The following ADGRV1 variants were observed in gnomAD, a reference collection of about 807,000 sequenced individuals.
ADGRV1 encodes the protein G-protein coupled receptor 98.
Under a neutral mutation model 596.2 loss-of-function variants are expected in ADGRV1, and 359 were observed. The observed-to-expected ratio is 0.60, with a 90% CI of 0.55 to 0.66. The LOEUF (loss-of-function observed/expected upper bound fraction) is 0.66, where lower values mean the gene tolerates loss of function less well. Ranked by LOEUF, ADGRV1 falls within the 30% of genes least tolerant of loss-of-function variation. The probability of loss-of-function intolerance (pLI) is 0.00; values close to 1 mark genes in which losing one functional copy is unlikely to be tolerated. For missense variants in ADGRV1, 7,274 were observed against 7,575.6 expected (o/e 0.96, Z 1.48); for synonymous variants, 2,681 against 2,679.2 (o/e 1.00, Z -0.02).
At chr5:90,639,553 T>C (rs1766707087) in intron 11 of ADGRV1, among the ~76,000 whole-genome samples, 1 of 152,204 alleles carries the variant, frequency 6.6e-6, no homozygotes, top group African/African-American at 2.4e-5. Context: ...GTAAAAATAG[T>C]ACATAGTAAA....
intron 38 of ADGRV1, among the ~76,000 whole-genome samples, 192 bp downstream of exon 38, chr5:90,706,586 A>C (rs1748638060): frequency 6.6e-6 from 1 of 152,066 alleles, no homozygotes; most frequent in Non-Finnish European, 1.5e-5. Context: ...TTAAACCTGA[A>C]GTAACTACAT....
intron 85 of ADGRV1, among the ~76,000 whole-genome samples, chr5:91,014,055 G>A (rs886864971): frequency 5.3e-5 from 8 of 149,970 alleles, no homozygotes; most frequent in Non-Finnish European, 1.0e-4. Context: ...ATTTTGTTCC[G>A]TTGGTCTATG....
At chr5:90,787,665 T>C (rs1759615311) in intron 67 of ADGRV1, among the ~76,000 whole-genome samples, 1 of 149,938 alleles carries the variant, frequency 6.7e-6, no homozygotes, top group African/African-American at 2.4e-5. Flanking sequence ...TGATCTTGGC[T>C]CACTGCAACC....
intron 87 of ADGRV1, among the ~76,000 whole-genome samples, chr5:91,125,637 G>A (rs866304546): frequency 3.9e-5 from 6 of 152,270 alleles, no homozygotes; most frequent in Middle Eastern, 3.4e-3. Context: ...CCCAGTGCTT[G>A]CCACACAGTA....
At chr5:90,606,600 T>A (rs570072344) in intron 1 of ADGRV1, among the ~76,000 whole-genome samples, 24 of 152,346 alleles carry the variant, frequency 1.6e-4, no homozygotes, top group African/African-American at 5.8e-4. Flanking sequence ...CTACACACCA[T>A]AATTATTGTA....
chr5:90,627,065 TA>T (rs2149375339), intron 6 of ADGRV1, 145 bp from the exon 7 acceptor site: 1 of 496,656 alleles, frequency 2.0e-6, no homozygotes, highest in Non-Finnish European at 3.5e-6. Flanking sequence ...AATTGGAGAC[TA>T]AACAAGCCTT....
intron 11 of ADGRV1, 70 bp downstream of exon 11, chr5:90,638,018 T>G (rs1411605754): frequency 5.2e-5 from 58 of 1,119,004 alleles, no homozygotes; most frequent in Non-Finnish European, 7.1e-5. Context: ...TTGATTTTTT[T>G]TTTACTCTTT....
At chr5:91,075,303 T>A (rs1408727100) in intron 86 of ADGRV1, among the ~76,000 whole-genome samples, 1 of 152,152 alleles carries the variant, frequency 6.6e-6, no homozygotes, top group African/African-American at 2.4e-5. Context: ...TGACAAGATT[T>A]ATTGTTTTAT....
chr5:91,045,975 T>C (rs1425864812), intron 85 of ADGRV1, among the ~76,000 whole-genome samples: 1 of 152,072 alleles, frequency 6.6e-6, no homozygotes, highest in Non-Finnish European at 1.5e-5. Context: ...GTGAAAGACC[T>C]CTAGAAGGAA....
chr5:90,932,521 T>C (rs1775336883), intron 83 of ADGRV1, among the ~76,000 whole-genome samples: 1 of 152,180 alleles, frequency 6.6e-6, no homozygotes, highest in Non-Finnish European at 1.5e-5. Context: ...AAGGTACTAG[T>C]TTGTGGAGAG....
intron 42 of ADGRV1, 128 bp from the exon 43 acceptor site, chr5:90,716,339 A>G (rs1000988128): frequency 7.6e-6 from 4 of 529,412 alleles, no homozygotes; most frequent in Admixed American, 7.3e-5. Context: ...TGTCATTTTT[A>G]AGATCATCTT....
intron 85 of ADGRV1, among the ~76,000 whole-genome samples, chr5:91,013,690 G>A (rs540455347): frequency 4.7e-4 from 71 of 152,056 alleles, no homozygotes; most frequent in Non-Finnish European, 9.1e-4. Context: ...TTCTTTTGCT[G>A]TGCAGAAGCT....
intron 83 of ADGRV1, among the ~76,000 whole-genome samples, chr5:90,962,481 G>A (rs2150957918): frequency 6.6e-6 from 1 of 152,306 alleles, no homozygotes; most frequent in South Asian, 2.1e-4. Flanking sequence ...CAATGGTGAA[G>A]CTCCATCTAT....
intron 86 of ADGRV1, among the ~76,000 whole-genome samples, chr5:91,079,141 C>A (rs1201034673): frequency 6.6e-6 from 1 of 152,160 alleles, no homozygotes; most frequent in Admixed American, 6.5e-5. Flanking sequence ...ACAGGTTTCA[C>A]ATGTCCTTGG....
In ADGRV1 at chr5:90,596,093, G is replaced by A. The variant is rs192657230; in HGVS notation, c.23-18742G>A. Among the ~76,000 whole-genome samples the A allele has an allele frequency of 3.0e-3, 452 of 148,986 alleles. 4 individuals are homozygous for A. The highest frequency in any genetic ancestry group is 0.011 in the African/African-American group (422 of 39,940). ...TCAGACGGGGCGGCCGGGCAGAGAC[G>A]CTCCTCAACTCCCAGATGGGGTGGC... is the stretch of plus-strand genomic sequence containing the variant. On this transcript the variant is annotated intron_variant, in intron 1 of 89. Transcript: ENST00000405460.
chr5:90,913,672 T>C lies in ADGRV1; in HGVS notation c.17856+49815T>C, dbSNP rs1320736952. On this transcript the variant is annotated intron_variant, in intron 83 of 89. Transcript: ENST00000405460. ...TTAAAGTCATAGGCCTAGTTTATCATAACTCATGCTTCTCTTCCCATTTTA... is the reference window on the plus strand; with the variant it reads ...TTAAAGTCATAGGCCTAGTTTATCACAACTCATGCTTCTCTTCCCATTTTA... 2.6e-5 allele frequency among the ~76,000 whole-genome samples: 4 copies of C among 152,334 alleles called. No individual in the cohort carries two copies. The East Asian group carries it at 7.7e-4, about 29-fold the overall frequency.
At chr5:90,890,613 A>T (rs981455804) in intron 83 of ADGRV1, among the ~76,000 whole-genome samples, 1 of 152,132 alleles carries the variant, frequency 6.6e-6, no homozygotes, top group Admixed American at 6.6e-5. Context: ...GAAACACTAT[A>T]CAAGTGTTCC....
At chr5:90,759,680 T>C in intron 58 of ADGRV1, 92 bp downstream of exon 58, 1 of 1,182,730 alleles carries the variant, frequency 8.5e-7, no homozygotes. Context: ...GTTTTGGAAG[T>C]CTTGGCCAGG....
intron 85 of ADGRV1, among the ~76,000 whole-genome samples, chr5:90,995,289 G>A (rs1045473285): frequency 1.3e-5 from 2 of 152,118 alleles, no homozygotes; most frequent in Non-Finnish European, 2.9e-5. Flanking sequence ...TCTGAGATAC[G>A]TGAAATACAG....
Sources: allele counts gnomAD v4.1 joint callset (sites outside exome capture counted in the v4.1 genomes callset), GRCh38; gene constraint gnomAD v4.1.1; transcripts MANE v1.5; gene names NCBI Gene and HGNC (gene_info 2026-07-23, HGNC 2026-07-21).